RIMBP2: variants seen among roughly 807,000 people sequenced by gnomAD.
RIMBP2 encodes RIMS binding protein 2, also known as RIMS-binding protein 2.
RIMBP2 carries 48 observed loss-of-function variants against 118.6 expected under a neutral mutation model. That is an observed-to-expected ratio of 0.40 (90% CI 0.32 to 0.51). The LOEUF is 0.51. Ranked by LOEUF, RIMBP2 falls within the 20% of genes least tolerant of loss-of-function variation. RIMBP2 has a pLI of 0.41. For synonymous variants in RIMBP2, 762 were observed against 742.9 expected, an observed-to-expected ratio of 1.03 and a Z score of -0.42; for missense variants, 1,551 against 1,768.3, an observed-to-expected ratio of 0.88 and a Z score of 2.20.
intron 1 of RIMBP2, among the ~76,000 whole-genome samples, chr12:130,649,895 G>C (rs937189153): frequency 6.6e-6 from 1 of 152,108 alleles, no homozygotes; most frequent in Non-Finnish European, 1.5e-5. Context: ...TGGAGAAGCT[G>C]CCCCACCTCC....
At chr12:130,583,247 T>C (rs1158902047) in intron 2 of RIMBP2, among the ~76,000 whole-genome samples, 1 of 152,138 alleles carries the variant, frequency 6.6e-6, no homozygotes, top group Non-Finnish European at 1.5e-5. Context: ...GCTTCATCTG[T>C]GAAGGAGGGA....
intron 2 of RIMBP2, among the ~76,000 whole-genome samples, chr12:130,557,100 G>A (rs183417214): frequency 1.3e-5 from 2 of 152,218 alleles, no homozygotes; most frequent in Non-Finnish European, 2.9e-5. Flanking sequence ...GCAGACCCTC[G>A]TCTCATATGC....
In RIMBP2 at chr12:130,475,252, AC is replaced by A. The variant is rs2081335082; in HGVS notation, c.102+3659del. ...CACATGATCTTACGTGCTTCTCCCG[AC>A]CGCCATGCAGGGCAGGAGGACAGGT... On this transcript the variant is annotated intron_variant, in intron 5 of 22. Coordinates refer to ENST00000690449, the MANE Select transcript of RIMBP2 (RefSeq NM_001393629.1). The surrounding 1 kb of genome is among the most constrained non-coding windows in gnomAD (Gnocchi z 4.1). Among the ~76,000 whole-genome samples, 1 of 152,174 alleles carries A rather than the reference AC, an allele frequency of 6.6e-6. No individual in the cohort carries two copies. The highest frequency in any genetic ancestry group is 1.5e-5 in the Non-Finnish European group (1 of 68,042).
intron 1 of RIMBP2, among the ~76,000 whole-genome samples, chr12:130,689,130 C>T (rs2065202210): frequency 6.6e-6 from 1 of 152,208 alleles, no homozygotes; most frequent in Admixed American, 6.5e-5. Flanking sequence ...TCCATGCCAA[C>T]ACAGCTGCAC....
chr12:130,520,822 A>AG (rs1460454945), intron 2 of RIMBP2, among the ~76,000 whole-genome samples: 1 of 152,222 alleles, frequency 6.6e-6, no homozygotes, highest in Non-Finnish European at 1.5e-5. Context: ...TCAGTGACAC[A>AG]GACAGCCAGG....
intron 2 of RIMBP2, among the ~76,000 whole-genome samples, chr12:130,624,556 A>G (rs558024215): frequency 1.1e-4 from 17 of 152,212 alleles, no homozygotes; most frequent in African/African-American, 3.6e-4. Flanking sequence ...ATGATTGCCA[A>G]TGGGAATTAG....
At chr12:130,518,944 A>G (rs930356365) in intron 2 of RIMBP2, among the ~76,000 whole-genome samples, 1 of 152,264 alleles carries the variant, frequency 6.6e-6, no homozygotes, top group Non-Finnish European at 1.5e-5. Flanking sequence ...CAATAAGTTT[A>G]GAATCCTAAA....
chr12:130,658,161 C>T (rs1458595214), intron 1 of RIMBP2: 1 of 152,236 alleles, frequency 6.6e-6, no homozygotes, highest in East Asian at 1.9e-4. Context: ...ACCGGAAGGC[C>T]ACGGCTTCCA....
intron 1 of RIMBP2, among the ~76,000 whole-genome samples, chr12:130,637,135 T>G (rs1478252254): frequency 3.3e-5 from 5 of 152,238 alleles, no homozygotes; most frequent in Admixed American, 2.0e-4. Context: ...ATCTTTGCAC[T>G]GAGATGTTCT....
At chr12:130,675,901 G>T (rs2064439373) in intron 1 of RIMBP2, among the ~76,000 whole-genome samples, 1 of 152,220 alleles carries the variant, frequency 6.6e-6, no homozygotes, top group Admixed American at 6.5e-5. Context: ...GCAATTCTAA[G>T]CCCCTAAGGT....
At chr12:130,584,810 T>C (rs1256262129) in intron 2 of RIMBP2, among the ~76,000 whole-genome samples, 1 of 152,264 alleles carries the variant, frequency 6.6e-6, no homozygotes, top group African/African-American at 2.4e-5. Flanking sequence ...CATCATCTTT[T>C]ACTCTTTTCT....
intron 14 of RIMBP2, 197 bp from the exon 15 acceptor site, chr12:130,428,534 G>A: frequency 2.0e-6 from 1 of 510,946 alleles, no homozygotes; most frequent in East Asian, 3.3e-5. Flanking sequence ...CTGTTGAAGT[G>A]GCACAGATGG....
chr12:130,542,114 A>G (rs1477695229), intron 2 of RIMBP2, among the ~76,000 whole-genome samples: 1 of 146,966 alleles, frequency 6.8e-6, no homozygotes, highest in Non-Finnish European at 1.5e-5. Context: ...TCAGGTAAAA[A>G]TATGTTCTAT....
chr12:130,511,272 C>T lies in RIMBP2; in HGVS notation c.-126-4502G>A, dbSNP rs191084110. Reference sequence around the variant, plus strand: ...CCCCCAGAGCCTCAGGAAAGCACACCGGCCTGCTGACATCTTGACTTTAGG... The same window carrying T: ...CCCCCAGAGCCTCAGGAAAGCACACTGGCCTGCTGACATCTTGACTTTAGG... On this transcript the variant is annotated intron_variant, in intron 3 of 22. Transcript: ENST00000690449. This position sits in a 1 kb window ranked among gnomAD's most constrained non-coding sequence, Gnocchi z 4.3. 7.2e-5 allele frequency among the ~76,000 whole-genome samples: 11 copies of T among 152,270 alleles called. No homozygotes were observed. Among genetic ancestry groups the T allele is most frequent in the African/African-American group, 1.2e-4 (5 of 41,560 alleles).
chr12:130,634,110 G>A (rs925115456), intron 1 of RIMBP2, among the ~76,000 whole-genome samples: 3 of 152,170 alleles, frequency 2.0e-5, no homozygotes, highest in African/African-American at 7.2e-5. Context: ...CCTGTCCTTC[G>A]ACAACGAGCT....
chr12:130,421,691 A>ATATGTGTGTGTG (rs143606738), intron 17 of RIMBP2, among the ~76,000 whole-genome samples: 4 of 147,188 alleles, frequency 2.7e-5, no homozygotes, highest in African/African-American at 5.1e-5. Context: ...CTGCATTTAT[A>ATATGTGTGTGTG]TGTGTGTGTG....
chr12:130,610,718 G>A (rs1298025207), intron 2 of RIMBP2, among the ~76,000 whole-genome samples: 5 of 151,178 alleles, frequency 3.3e-5, no homozygotes, highest in African/African-American at 4.9e-5. Context: ...CCGCTACCAC[G>A]CCCGGCTAAT....
intron 2 of RIMBP2, among the ~76,000 whole-genome samples, chr12:130,555,510 C>T (rs896268295): frequency 1.3e-5 from 2 of 152,098 alleles, no homozygotes; most frequent in African/African-American, 4.8e-5. Context: ...CACAGCATGG[C>T]TCATTTGAAG....
intron 1 of RIMBP2, among the ~76,000 whole-genome samples, chr12:130,661,553 C>G (rs1402296200): frequency 1.3e-5 from 2 of 152,196 alleles, no homozygotes; most frequent in African/African-American, 4.8e-5. Flanking sequence ...TGACCGCTGA[C>G]AACTGTCTAG....
Sources: allele counts gnomAD v4.1 joint callset (sites outside exome capture counted in the v4.1 genomes callset), GRCh38; gene constraint gnomAD v4.1.1; non-coding constraint Gnocchi (gnomAD v3.1); transcripts MANE v1.5; gene names NCBI Gene and HGNC (gene_info 2026-07-23, HGNC 2026-07-21).